The following ATP2C2 variants were observed in gnomAD, a reference collection of about 807,000 sequenced individuals.
The protein encoded by ATP2C2 is calcium-transporting ATPase type 2C member 2.
A neutral mutation model predicts 110.8 loss-of-function variants in ATP2C2; 171 were observed. The ratio of observed to expected loss-of-function variants is 1.54; its 90% CI spans 1.36 to 1.75. ATP2C2 has a LOEUF of 1.75. ATP2C2 is among the 40% of genes most tolerant of loss of function. The pLI, the probability that ATP2C2 is intolerant of heterozygous loss-of-function variation, is 0.00. For synonymous variants in ATP2C2, 804 were observed against 508.4 expected (o/e 1.58, Z -7.82); for missense variants, 1,963 against 1,235.0 (o/e 1.59, Z -8.84).
intron 26 of ATP2C2, chr16:84,462,523 GT>G (rs1911483359): frequency 1.2e-5 from 2 of 173,822 alleles, no homozygotes; most frequent in Non-Finnish European, 2.5e-5. Flanking sequence ...TAGAGATCTG[GT>G]CACCTGAAGG....
At chr16:84,377,644 G>A (rs1910326055) in intron 1 of ATP2C2, among the ~76,000 whole-genome samples, 1 of 152,048 alleles carries the variant, frequency 6.6e-6, no homozygotes, top group African/African-American at 2.4e-5. Flanking sequence ...TCATTTAGCT[G>A]TAATGACCTC....
In ATP2C2 at chr16:84,459,009, A is replaced by T. The variant is rs577139193; in HGVS notation, c.2148-111A>T. 313 of 1,197,076 alleles carry T rather than the reference A, an allele frequency of 2.6e-4. 8 individuals carry two copies. In the South Asian group the frequency reaches 3.9e-3, roughly 15 times the overall value. 74.2% of individuals were successfully genotyped at this position (1,197,076 alleles called of 1,614,324 possible). A position where few individuals can be genotyped will look rare whatever the true frequency, so the allele number is the denominator to read the frequency against. ...CAGCAAGGGGAACCAGCAGGGGCCC[A>T]AGTATAACATCAATCTGGGCGAGTC... On this transcript the variant is annotated intron_variant, in intron 21 of 26. Coordinates refer to ENST00000262429, the MANE Select transcript of ATP2C2 (RefSeq NM_014861.4).
chr16:84,449,958 G>A (rs1910106438), intron 17 of ATP2C2, among the ~76,000 whole-genome samples: 1 of 152,226 alleles, frequency 6.6e-6, no homozygotes, highest in Non-Finnish European at 1.5e-5. Flanking sequence ...GTGAGGCCAC[G>A]CCCTGAATCC....
intron 15 of ATP2C2, among the ~76,000 whole-genome samples, chr16:84,443,583 C>A (rs765230253): frequency 1.4e-4 from 22 of 152,190 alleles, no homozygotes; most frequent in Non-Finnish European, 2.6e-4. Flanking sequence ...TTCTCACTGG[C>A]GAGTGCCGAC....
intron 7 of ATP2C2, among the ~76,000 whole-genome samples, chr16:84,417,251 G>C (rs1008994): frequency 0.13 from 20,361 of 152,144 alleles, 1,485 homozygotes; most frequent in South Asian, 0.19. Context: ...GCAGGTGTGG[G>C]GGCTGCCGTA....
chr16:84,427,931 T>G (rs1245797713), intron 11 of ATP2C2, among the ~76,000 whole-genome samples: 1 of 152,140 alleles, frequency 6.6e-6, no homozygotes, highest in Non-Finnish European at 1.5e-5. Context: ...AAGGAGTGAA[T>G]TTTATTATAT....
At position 84,439,291 on chromosome 16, in the gene ATP2C2, G is replaced by T. The variant is rs772890980; in HGVS notation, c.1111+1G>T. ...AAGTTACCCATCGTGGAGACTTTAGGTGAGGGACTCCAGCTGGTGGAATCC... is the reference window on the plus strand; with the variant it reads ...AAGTTACCCATCGTGGAGACTTTAGTTGAGGGACTCCAGCTGGTGGAATCC... On this transcript the variant is annotated splice_donor_variant, in intron 12 of 26. Coordinates refer to ENST00000262429, the MANE Select transcript of ATP2C2 (RefSeq NM_014861.4). LOFTEE classifies it high-confidence loss of function. 3 of 1,613,140 alleles carry T rather than the reference G, an allele frequency of 1.9e-6. No individual in the cohort carries two copies. The highest frequency in any genetic ancestry group is 2.5e-6 in the Non-Finnish European group (3 of 1,180,032).
intron 11 of ATP2C2, among the ~76,000 whole-genome samples, chr16:84,438,022 C>G (rs1485188693): frequency 7.2e-5 from 11 of 152,236 alleles, no homozygotes; most frequent in Non-Finnish European, 1.6e-4. Context: ...AGCATGTTTT[C>G]CAGGCTCATC....
intron 17 of ATP2C2, among the ~76,000 whole-genome samples, chr16:84,450,760 C>G (rs895727598): frequency 6.6e-6 from 1 of 152,106 alleles, no homozygotes; most frequent in Admixed American, 6.5e-5. Flanking sequence ...GAAACAGAGT[C>G]AAGGCCCAGG....
rs201718782 is a variant in ATP2C2 at position 84,448,698 on chromosome 16, C to G, written c.1660+9C>G. On this transcript the variant is annotated intron_variant, in intron 17 of 26. Coordinates refer to ENST00000262429, the MANE Select transcript of ATP2C2 (RefSeq NM_014861.4). ...GTCGCTCGGTTTGCGGGGTCAGTGC[C>G]TGTGGTCCCGGCCCAGAGCTTTAAG... 196 of 1,607,546 alleles carry G rather than the reference C, an allele frequency of 1.2e-4. 1 individual carries two copies. In the African/African-American group the frequency reaches 2.4e-3, roughly 19 times the overall value.
Position 84,464,176 on chromosome 16 carries a change from G to C in ATP2C2, c.*444G>C, listed in dbSNP as rs898740778. 1 of 154,792 alleles carries C rather than the reference G, an allele frequency of 6.5e-6. No individual in the cohort carries two copies. 9.6% of individuals were successfully genotyped at this position (154,792 alleles called of 1,614,324 possible). ...GGACTTTTAAATAAAGTGCTATGCC[G>C]GGGGATAATTATTTTGATGTGTTTA... On this transcript the variant is annotated 3_prime_UTR_variant, in exon 27 of 27. Transcript: ENST00000262429.
intron 7 of ATP2C2, among the ~76,000 whole-genome samples, chr16:84,421,774 C>T (rs1907362042): frequency 6.6e-6 from 1 of 152,216 alleles, no homozygotes; most frequent in Non-Finnish European, 1.5e-5. Flanking sequence ...TTCCATGCTT[C>T]AGTTTCCCCA....
Position 84,448,568 on chromosome 16 carries a change from G to A in ATP2C2, c.1539G>A (p.Leu513=), listed in dbSNP as rs1308219178. The A allele has an allele frequency of 1.9e-6, 3 of 1,613,496 alleles. No homozygotes were observed. The highest frequency in any genetic ancestry group is 1.3e-5 in the African/African-American group (1 of 74,892). The change falls in exon 17 of 27, where the codon TTG becomes TTA. Residue 513 remains leucine (L), a synonymous_variant. Coordinates refer to ENST00000262429, the MANE Select transcript of ATP2C2 (RefSeq NM_014861.4). ...QEDIYFMKGA[L]EEVIRYCTMY... Reference sequence around the variant, plus strand: ...ACATTTACTTCATGAAAGGGGCCTTGGAAGAGGTGATCCGCTACTGCACCA... The same window carrying A: ...ACATTTACTTCATGAAAGGGGCCTTAGAAGAGGTGATCCGCTACTGCACCA...
chr16:84,422,256 T>G (rs1345756164), intron 7 of ATP2C2, 134 bp from the exon 8 acceptor site: 4 of 1,074,974 alleles, frequency 3.7e-6, no homozygotes, highest in African/African-American at 1.6e-5. Context: ...AGGCCGTCGT[T>G]GTGACACTCA....
At chr16:84,399,047 C>T (rs1482235318) in intron 2 of ATP2C2, among the ~76,000 whole-genome samples, 3 of 152,188 alleles carry the variant, frequency 2.0e-5, no homozygotes, top group South Asian at 2.1e-4. Flanking sequence ...CGTGGAGTTG[C>T]CAGGTACTAA....
chr16:84,454,694 C>A, intron 20 of ATP2C2, 124 bp from the exon 21 acceptor site: 1 of 1,015,580 alleles, frequency 9.8e-7, no homozygotes, highest in Non-Finnish European at 1.4e-6. Context: ...GTGGGTGAAG[C>A]TGGGATTCGA....
intron 1 of ATP2C2, among the ~76,000 whole-genome samples, chr16:84,374,450 T>C (rs187746112): frequency 9.2e-5 from 14 of 152,298 alleles, no homozygotes; most frequent in African/African-American, 3.1e-4. Flanking sequence ...GATCAGACAG[T>C]CATTGAAACA....
At chr16:84,417,386 C>T (rs1242604587) in intron 7 of ATP2C2, among the ~76,000 whole-genome samples, 1 of 152,150 alleles carries the variant, frequency 6.6e-6, no homozygotes, top group East Asian at 1.9e-4. Context: ...TGTTGGTTTC[C>T]ATTTCACAGG....
Position 84,462,061 on chromosome 16 carries a change from G to A in ATP2C2, c.2654G>A (p.Gly885Glu), listed in dbSNP as rs544307435. Residue 885 changes from glycine (G) to glutamate (E), a missense_variant, in exon 26 of 27, where the codon GGG becomes GAG. Coordinates refer to ENST00000262429, the MANE Select transcript of ATP2C2 (RefSeq NM_014861.4). ...TACTCCGTCCTGGGGTCCATCCTGGGGCAGCTGGCGGTCATTTACATCCCC... is the reference window on the plus strand; with the variant it reads ...TACTCCGTCCTGGGGTCCATCCTGGAGCAGCTGGCGGTCATTTACATCCCC... ...FLYSVLGSIL[G>E]QLAVIYIPPL... 3.7e-6 allele frequency: 6 copies of A among 1,614,032 alleles called. No homozygotes were observed. The East Asian group carries it at 8.9e-5, about 24-fold the overall frequency.
Sources: gnomAD v4.1 joint callset for allele counts (sites outside exome capture counted in the v4.1 genomes callset) on GRCh38, gnomAD v4.1.1 for gene constraint, MANE v1.5 for transcripts, NCBI Gene and HGNC (gene_info 2026-07-23, HGNC 2026-07-21) for gene names.